The following PAM variants were observed in gnomAD, a reference collection of about 807,000 sequenced individuals.
PAM encodes the protein peptidyl-glycine alpha-amidating monooxygenase.
PAM carries 72 observed loss-of-function variants against 122.1 expected under a neutral mutation model. The observed-to-expected ratio is 0.59, with a 90% CI of 0.49 to 0.72. The LOEUF is 0.72. Among genes scored for constraint, PAM ranks in the 30% least tolerant of loss-of-function variants. The pLI is 0.00. For missense variants in PAM, 1,106 were observed against 1,183.7 expected, an observed-to-expected ratio of 0.93 and a Z score of 0.96; for synonymous variants, 389 against 404.4, an observed-to-expected ratio of 0.96 and a Z score of 0.46.
intron 1 of PAM, among the ~76,000 whole-genome samples, chr5:102,821,664 C>T (rs1771952353): frequency 6.6e-6 from 1 of 152,066 alleles, no homozygotes; most frequent in Non-Finnish European, 1.5e-5. Flanking sequence ...CACAGCAAAC[C>T]TATGAAGAAA....
intron 1 of PAM, among the ~76,000 whole-genome samples, chr5:102,782,826 T>C (rs2149889798): frequency 6.6e-6 from 1 of 152,094 alleles, no homozygotes; most frequent in East Asian, 1.9e-4. Flanking sequence ...ATCAGTTTTT[T>C]TTTTTGAGAA....
At chr5:102,950,965 A>G (rs2150084457) in intron 12 of PAM, 145 bp downstream of exon 12, 1 of 575,592 alleles carries the variant, frequency 1.7e-6, no homozygotes, top group Non-Finnish European at 3.1e-6. Flanking sequence ...TATCATTTCA[A>G]AGCTGATTGA....
intron 11 of PAM, 134 bp downstream of exon 11, chr5:102,950,112 T>C (rs1758311408): frequency 1.7e-6 from 1 of 583,608 alleles, no homozygotes; most frequent in East Asian, 2.9e-5. Flanking sequence ...AACTGAGCTG[T>C]ATAACCTCCT....
At chr5:102,921,678 C>G (rs1222132375) in intron 5 of PAM, among the ~76,000 whole-genome samples, 1 of 152,134 alleles carries the variant, frequency 6.6e-6, no homozygotes, top group African/African-American at 2.4e-5. Flanking sequence ...ATCATTGTCT[C>G]TTTGTGAATA....
intron 7 of PAM, among the ~76,000 whole-genome samples, chr5:102,928,441 C>T (rs1340702687): frequency 6.6e-6 from 1 of 151,866 alleles, no homozygotes; most frequent in African/African-American, 2.4e-5. Context: ...TTTAACTTTT[C>T]AATAGTAGTT....
At chr5:102,895,754 T>C (rs955254629) in intron 3 of PAM, among the ~76,000 whole-genome samples, 2 of 151,674 alleles carry the variant, frequency 1.3e-5, no homozygotes, top group Non-Finnish European at 1.5e-5. Flanking sequence ...CACAGAAATA[T>C]GGTGTTTGGG....
chr5:102,907,572 G>C (rs1018271063), intron 4 of PAM, among the ~76,000 whole-genome samples: 18 of 150,624 alleles, frequency 1.2e-4, no homozygotes, highest in African/African-American at 4.4e-4. Flanking sequence ...GGTTGAACTA[G>C]TTTACAGTCC....
intron 1 of PAM, among the ~76,000 whole-genome samples, chr5:102,768,347 G>A (rs258136): frequency 0.48 from 73,055 of 151,504 alleles, 17,845 homozygotes; most frequent in African/African-American, 0.56. Flanking sequence ...TGTGTGTTAC[G>A]ACCTAATTGT....
chr5:102,826,308 A>G (rs1329127086), intron 1 of PAM, among the ~76,000 whole-genome samples: 1 of 152,164 alleles, frequency 6.6e-6, no homozygotes, highest in Admixed American at 6.6e-5. Flanking sequence ...CCCTAAACAG[A>G]TAGTTTCTGC....
chr5:102,997,720 A>T (rs1776158848), intron 16 of PAM, among the ~76,000 whole-genome samples: 1 of 152,204 alleles, frequency 6.6e-6, no homozygotes, highest in Admixed American at 6.5e-5. Flanking sequence ...CCACCACTGG[A>T]AACTTGAAAG....
intron 15 of PAM, among the ~76,000 whole-genome samples, chr5:102,977,175 G>A (rs1267223534): frequency 1.2e-4 from 18 of 152,102 alleles, no homozygotes; most frequent in African/African-American, 4.1e-4. Flanking sequence ...GTGACTATAT[G>A]GTAGGCCTAG....
At chr5:102,761,745 T>C (rs1209826403) in intron 1 of PAM, among the ~76,000 whole-genome samples, 1 of 152,252 alleles carries the variant, frequency 6.6e-6, no homozygotes, top group Non-Finnish European at 1.5e-5. Flanking sequence ...ACTTATGTTA[T>C]CTTTTAGAAC....
At chr5:102,991,346 C>A (rs1305132947) in intron 16 of PAM, among the ~76,000 whole-genome samples, 1 of 152,084 alleles carries the variant, frequency 6.6e-6, no homozygotes, top group Non-Finnish European at 1.5e-5. Flanking sequence ...TATTTTAATT[C>A]TTTTAAGTAA....
At chr5:102,809,409 A>C (rs1462808685) in intron 1 of PAM, among the ~76,000 whole-genome samples, 2 of 152,194 alleles carry the variant, frequency 1.3e-5, no homozygotes, top group South Asian at 2.1e-4. Flanking sequence ...ATTTAATGGA[A>C]GTGGTAGATA....
intron 22 of PAM, among the ~76,000 whole-genome samples, chr5:103,019,272 C>T (rs1254101159): frequency 2.6e-5 from 4 of 152,194 alleles, no homozygotes; most frequent in Non-Finnish European, 5.9e-5. Flanking sequence ...AAAAGCACAG[C>T]GATATGGCAT....
In PAM at chr5:102,772,660, A is replaced by C. The variant is rs566656096; in HGVS notation, c.-374+17312A>C. Among the ~76,000 whole-genome samples, 385 of 152,302 alleles carry C rather than the reference A, an allele frequency of 2.5e-3. 4 individuals carry two copies. The highest frequency in any genetic ancestry group is 9.9e-3 in the South Asian group (48 of 4,826). On this transcript the variant is annotated intron_variant, in intron 1 of 25. Coordinates refer to ENST00000438793, the MANE Select transcript of PAM (RefSeq NM_001177306.2). ...ATATTCAAAGTTGGAGTAATGTCTT[A>C]GTTTATAGCACTTATACAGCTATAA...
chr5:102,892,986 A>C (rs1427848691), intron 3 of PAM, among the ~76,000 whole-genome samples: 1 of 151,832 alleles, frequency 6.6e-6, no homozygotes, highest in Admixed American at 6.6e-5. Context: ...AATTGATCTA[A>C]TTTAGCTTAT....
intron 21 of PAM, among the ~76,000 whole-genome samples, chr5:103,012,998 C>T (rs1781074321): frequency 6.6e-6 from 1 of 152,060 alleles, no homozygotes; most frequent in Admixed American, 6.6e-5. Context: ...AATTTGAAGT[C>T]AGGTAATATG....
intron 3 of PAM, among the ~76,000 whole-genome samples, chr5:102,874,614 TTCAA>T (rs978275889): frequency 4.6e-5 from 7 of 152,140 alleles, no homozygotes; most frequent in African/African-American, 1.7e-4. Flanking sequence ...GAAAATTATT[TTCAA>T]TCAATTTTGA....
Sources: gnomAD v4.1 joint callset for allele counts (sites outside exome capture counted in the v4.1 genomes callset) on GRCh38, gnomAD v4.1.1 for gene constraint, MANE v1.5 for transcripts, NCBI Gene and HGNC (gene_info 2026-07-23, HGNC 2026-07-21) for gene names.